GNA14: variants seen among roughly 807,000 people sequenced by gnomAD.
GNA14 encodes G protein subunit alpha 14.
Under a neutral mutation model 42.0 loss-of-function variants are expected in GNA14, and 50 were observed. That is an observed-to-expected ratio of 1.19 (90% CI 0.95 to 1.51). GNA14 has a LOEUF of 1.51. GNA14 is among the 40% of genes most tolerant of loss of function. The pLI is 0.00. For synonymous variants in GNA14, 173 were observed against 163.1 expected, an observed-to-expected ratio of 1.06 and a Z score of -0.46; for missense variants, 473 against 446.2, an observed-to-expected ratio of 1.06 and a Z score of -0.54.
At chr9:77,617,949 A>G (rs955981023) in intron 1 of GNA14, among the ~76,000 whole-genome samples, 6 of 151,842 alleles carry the variant, frequency 4.0e-5, no homozygotes, top group Non-Finnish European at 7.4e-5. Context: ...TCCAGCCTCC[A>G]CTCTCTAATC....
intron 2 of GNA14, among the ~76,000 whole-genome samples, chr9:77,512,304 C>T (rs939658202): frequency 6.6e-6 from 1 of 152,184 alleles, no homozygotes; most frequent in African/African-American, 2.4e-5. Context: ...TTTAGTCACT[C>T]TTCTCAAAGT....
chr9:77,425,772 C>A, intron 5 of GNA14, 57 bp from the exon 6 acceptor site: 1 of 1,259,174 alleles, frequency 7.9e-7, no homozygotes, highest in Non-Finnish European at 1.1e-6. Context: ...TTGGAAACAA[C>A]ATGGCGCATT....
chr9:77,514,672 GGT>G, intron 2 of GNA14, among the ~76,000 whole-genome samples: 1 of 149,206 alleles, frequency 6.7e-6, no homozygotes, highest in Admixed American at 6.7e-5. Context: ...AGAGTGCAGT[GGT>G]GCGATCTCGG....
chr9:77,599,845 C>CT (rs1005374504), intron 1 of GNA14, among the ~76,000 whole-genome samples: 61 of 152,076 alleles, frequency 4.0e-4, no homozygotes, highest in African/African-American at 1.4e-3. Context: ...GATGAGGTGG[C>CT]TAGTGACAGG....
intron 1 of GNA14, among the ~76,000 whole-genome samples, chr9:77,554,662 G>T (rs956837264): frequency 6.6e-6 from 1 of 152,120 alleles, no homozygotes; most frequent in Non-Finnish European, 1.5e-5. Context: ...TCTGACAAAG[G>T]TCTATGTTTA....
chr9:77,544,188 T>C (rs554592240), intron 1 of GNA14, among the ~76,000 whole-genome samples: 25 of 152,318 alleles, frequency 1.6e-4, no homozygotes, highest in African/African-American at 6.0e-4. Flanking sequence ...AGCTCATATG[T>C]ATAAGATTCC....
At chr9:77,636,789 C>T (rs989740594) in intron 1 of GNA14, among the ~76,000 whole-genome samples, 7 of 152,162 alleles carry the variant, frequency 4.6e-5, no homozygotes, top group African/African-American at 1.7e-4. Context: ...GCAGCAGGTC[C>T]CACCTCCAAC....
chr9:77,479,767 T>TC (rs1361534539), intron 2 of GNA14, among the ~76,000 whole-genome samples: 2 of 152,202 alleles, frequency 1.3e-5, no homozygotes, highest in African/African-American at 2.4e-5. Flanking sequence ...GTCCTTCACA[T>TC]CCCTTGTAAG....
chr9:77,523,641 T>C (rs1837394067), intron 2 of GNA14, among the ~76,000 whole-genome samples: 1 of 152,206 alleles, frequency 6.6e-6, no homozygotes. Flanking sequence ...TGATTGCCCT[T>C]ACAATTAAAT....
chr9:77,494,967 T>G (rs929284250), intron 2 of GNA14, among the ~76,000 whole-genome samples: 9 of 152,124 alleles, frequency 5.9e-5, no homozygotes, highest in Middle Eastern at 3.2e-3. Flanking sequence ...ACTCAGCTAA[T>G]TTTTGTATTT....
intron 1 of GNA14, among the ~76,000 whole-genome samples, chr9:77,619,272 T>C (rs1823884345): frequency 6.6e-6 from 1 of 152,140 alleles, no homozygotes; most frequent in South Asian, 2.1e-4. Flanking sequence ...AATGGAGCAA[T>C]CTCAGTTCAC....
At position 77,550,315 on chromosome 9, in the gene GNA14, C is replaced by T. The variant is rs141116157; in HGVS notation, c.125-21062G>A. On this transcript the variant is annotated intron_variant, in intron 1 of 6. Coordinates refer to ENST00000341700, the MANE Select transcript of GNA14 (RefSeq NM_004297.4). ...TACTCAGTAAAGAAAGATCTCACTT[C>T]GATTTGTTTGCTAAAAGAATGGTAG... Among the ~76,000 whole-genome samples the T allele has an allele frequency of 5.8e-3, 884 of 152,270 alleles. 5 individuals carry two copies. Among genetic ancestry groups the T allele is most frequent in the Middle Eastern group, 0.01 (3 of 294 alleles).
At chr9:77,447,207 G>A (rs1373819136) in intron 2 of GNA14, among the ~76,000 whole-genome samples, 2 of 152,124 alleles carry the variant, frequency 1.3e-5, no homozygotes, top group African/African-American at 4.8e-5. Context: ...TCCTCTCAAA[G>A]TGCTGGGATT....
intron 2 of GNA14, among the ~76,000 whole-genome samples, chr9:77,498,924 A>G (rs1836920350): frequency 6.6e-6 from 1 of 152,182 alleles, no homozygotes; most frequent in Non-Finnish European, 1.5e-5. Flanking sequence ...TGGGCATAAA[A>G]GTATCCAGCT....
intron 2 of GNA14, among the ~76,000 whole-genome samples, chr9:77,455,193 C>G (rs1467583357): frequency 1.3e-5 from 2 of 152,210 alleles, no homozygotes; most frequent in Non-Finnish European, 2.9e-5. Context: ...GTTGTCTCAT[C>G]AGCTGTCACC....
intron 2 of GNA14, among the ~76,000 whole-genome samples, chr9:77,493,002 GGAAAAA>G (rs1432557803): frequency 1.8e-4 from 12 of 68,140 alleles, no homozygotes; most frequent in South Asian, 9.5e-4. Flanking sequence ...CTCCGTCTCA[GGAAAAA>G]AAAAAAAAAA....
At chr9:77,602,982 G>A (rs145123137) in intron 1 of GNA14, among the ~76,000 whole-genome samples, 1 of 152,140 alleles carries the variant, frequency 6.6e-6, no homozygotes, top group South Asian at 2.1e-4. Context: ...AAATGCCCTA[G>A]ATTACATTTC....
At chr9:77,556,792 A>G (rs576621935) in intron 1 of GNA14, among the ~76,000 whole-genome samples, 9 of 152,292 alleles carry the variant, frequency 5.9e-5, no homozygotes, top group East Asian at 5.8e-4. Context: ...GTAACCTAGC[A>G]TGGGGTTAGA....
chr9:77,625,062 A>G (rs989462920), intron 1 of GNA14, among the ~76,000 whole-genome samples: 2 of 151,976 alleles, frequency 1.3e-5, no homozygotes, highest in Non-Finnish European at 2.9e-5. Flanking sequence ...AAGAACATAA[A>G]TGACCTGATG....
Sources: gnomAD v4.1 joint callset for allele counts (sites outside exome capture counted in the v4.1 genomes callset) on GRCh38, gnomAD v4.1.1 for gene constraint, MANE v1.5 for transcripts, NCBI Gene and HGNC (gene_info 2026-07-23, HGNC 2026-07-21) for gene names.